Variants in INSRR observed in about 807,000 individuals in gnomAD.
The protein encoded by INSRR is insulin receptor-related protein.
In INSRR, 114 loss-of-function variants were observed where a neutral mutation model predicts 130.0. The ratio of observed to expected loss-of-function variants is 0.88; its 90% CI spans 0.75 to 1.02. The LOEUF (loss-of-function observed/expected upper bound fraction) is 1.02. INSRR is among the 50% of genes least tolerant of loss of function. INSRR has a pLI of 0.00. For synonymous variants in INSRR, 674 were observed against 705.2 expected, an observed-to-expected ratio of 0.96 and a Z score of 0.70; for missense variants, 1,657 against 1,735.2, an observed-to-expected ratio of 0.95 and a Z score of 0.80.
intron 19 of INSRR, 139 bp downstream of exon 19, chr1:156,841,973 A>G: frequency 6.4e-7 from 1 of 1,552,020 alleles, no homozygotes; most frequent in Admixed American, 1.8e-5. Context: ...CTTGGACAAG[A>G]GACTAAGATA....
chr1:156,854,183 CG>C lies in INSRR; in HGVS notation c.205del (p.Arg69AlafsTer33). ...GGTGAGGCGAGGGAAGCTGAGGCCG[CG>C]GAAGTCCTCCCCGGTGGCTGTGAAC... is the stretch of plus-strand genomic sequence containing the variant. ...LMFTATGEDF[R>X]GLSFPRLTQV... On this transcript the variant is annotated frameshift_variant, in exon 2 of 22. Transcript: ENST00000368195. LOFTEE classifies it high-confidence loss of function. The surrounding 1 kb of genome is among the most constrained non-coding windows in gnomAD (Gnocchi z 4.2). The C allele has an allele frequency of 6.2e-7, 1 of 1,614,102 alleles. No homozygotes were observed.
At position 156,853,798 on chromosome 1, in the gene INSRR, G is replaced by A. The variant is rs141915005; in HGVS notation, c.591C>T (p.Ser197=). Reference sequence around the variant, plus strand: ...TCCAGCATCTGTAGTCAGTGTGCCCGCTGAAGGTGGTCTTGGCACAGGGCT... The same window carrying A: ...TCCAGCATCTGTAGTCAGTGTGCCCACTGAAGGTGGTCTTGGCACAGGGCT... The part of the protein sequence containing the change: ...AGEPCAKTTF[S]GHTDYRCWTS... The change falls in exon 2 of 22, where the codon AGC becomes AGT. Residue 197 remains serine (S), a synonymous_variant. Transcript: ENST00000368195. The A allele has an allele frequency of 9.9e-5, 159 of 1,610,988 alleles. No homozygotes were observed. The highest frequency in any genetic ancestry group is 6.3e-4 in the East Asian group (28 of 44,776).
intron 2 of INSRR, among the ~76,000 whole-genome samples, chr1:156,853,385 T>C (rs1356700142): frequency 6.6e-6 from 1 of 152,188 alleles, no homozygotes; most frequent in Non-Finnish European, 1.5e-5. Context: ...TAAGTGAACA[T>C]AGCCAGTAAG....
chr1:156,844,014 CCTAA>C (rs1286550517), intron 15 of INSRR, among the ~76,000 whole-genome samples, 157 bp downstream of exon 15: 1 of 152,000 alleles, frequency 6.6e-6, no homozygotes, highest in Non-Finnish European at 1.5e-5. Flanking sequence ...AGTTGGTCAC[CCTAA>C]CTGAGAGGTA....
In INSRR at chr1:156,843,025, T is replaced by C; in HGVS notation, c.3105A>G (p.Lys1035=). The change falls in exon 17 of 22, where the codon AAA becomes AAG. Residue 1035 remains lysine, a synonymous_variant. Coordinates refer to ENST00000368195, the MANE Select transcript of INSRR (RefSeq NM_014215.3). ...TTACCACATGGTGACACTTGAAGGCTTTCATGACAGAAGCTTCCTTGAGGA... is the reference window on the plus strand; with the variant it reads ...TTACCACATGGTGACACTTGAAGGCCTTCATGACAGAAGCTTCCTTGAGGA... ...IEFLKEASVM[K]AFKCHHVVRL... is the part of the protein sequence containing the mutation. The C allele has an allele frequency of 6.2e-7, 1 of 1,613,950 alleles. No homozygotes were observed. Among genetic ancestry groups the C allele is most frequent in the Non-Finnish European group, 8.5e-7 (1 of 1,179,828 alleles).
At chr1:156,849,110 C>T in intron 6 of INSRR, 63 bp from the exon 7 acceptor site, 2 of 1,597,894 alleles carry the variant, frequency 1.3e-6, no homozygotes, top group South Asian at 2.2e-5. Context: ...CCCACCCTGA[C>T]CCCGCGGCAT....
intron 5 of INSRR, among the ~76,000 whole-genome samples, chr1:156,850,532 TTC>T (rs1290811193): frequency 7.0e-5 from 8 of 113,496 alleles, no homozygotes; most frequent in African/African-American, 3.5e-4. Flanking sequence ...ATTTAAAACA[TTC>T]TTTTTTTTTT....
intron 1 of INSRR, 142 bp downstream of exon 1, chr1:156,858,393 TGG>T (rs1478928663): frequency 1.2e-5 from 8 of 663,466 alleles, no homozygotes; most frequent in Non-Finnish European, 1.9e-5. Context: ...CTTTTCCTGC[TGG>T]GCAGTTCTCC....
intron 15 of INSRR, 80 bp from the exon 16 acceptor site, chr1:156,843,559 T>C: frequency 2.1e-6 from 3 of 1,427,808 alleles, no homozygotes; most frequent in Non-Finnish European, 3.0e-6. Flanking sequence ...AAGAAGGACA[T>C]TTCAAGGAGG....
chr1:156,851,581 A>AGG, intron 4 of INSRR, 65 bp downstream of exon 4: 1 of 1,611,664 alleles, frequency 6.2e-7, no homozygotes. Context: ...GGTCATTGTA[A>AGG]GGGTTGTGTC....
chr1:156,849,140 C>CT, intron 6 of INSRR, 93 bp from the exon 7 acceptor site: 1 of 1,598,790 alleles, frequency 6.3e-7, no homozygotes, highest in Non-Finnish European at 8.5e-7. Flanking sequence ...AGTGAGACCT[C>CT]TGAGGAGAAC....
rs761992228 is a variant in INSRR, at chr1:156,843,424, T to C, written c.2896+3A>G. 1 of 1,614,086 alleles carries C rather than the reference T, an allele frequency of 6.2e-7. No individual in the cohort carries two copies. Among genetic ancestry groups the C allele is most frequent in the South Asian group, 1.1e-5 (1 of 91,076 alleles). ...CCACCTGTCCACCCACTCCCAGACC[T>C]ACTATCAGAGGCGCTGAAGTACTCT... On this transcript the variant is annotated splice_donor_region_variant and intron_variant, in intron 16 of 21. Transcript: ENST00000368195.
intron 1 of INSRR, among the ~76,000 whole-genome samples, chr1:156,855,589 G>A (rs1371799760): frequency 1.3e-5 from 2 of 152,146 alleles, no homozygotes; most frequent in African/African-American, 2.4e-5. Context: ...TTGGGAGGCC[G>A]AGGTGGGAAG....
chr1:156,852,262 C>T, intron 2 of INSRR, 71 bp from the exon 3 acceptor site: 1 of 1,440,894 alleles, frequency 6.9e-7, no homozygotes, highest in Non-Finnish European at 9.4e-7. Flanking sequence ...AATGCTGGCC[C>T]CACCCTGTTT....
In INSRR at chr1:156,858,368, G is replaced by T. The variant is rs144022215; in HGVS notation, c.85+169C>A. ...GGAGCTGAGGGAAAAACACCTTTAT[G>T]TGGGGAACTAACTGCTTTTCCTGCT... On this transcript the variant is annotated intron_variant, in intron 1 of 21. Transcript: ENST00000368195. 4.5e-3 allele frequency among the ~76,000 whole-genome samples: 682 copies of T among 152,342 alleles called. 5 individuals are homozygous for T. The Middle Eastern group carries it at 0.075, about 17-fold the overall frequency.
rs768953728 is a variant in INSRR, at chr1:156,844,481, G to A, written c.2718C>T (p.Ala906=). The A allele has an allele frequency of 1.9e-6, 3 of 1,613,872 alleles. No homozygotes were observed. The highest frequency in any genetic ancestry group is 2.7e-5 in the African/African-American group (2 of 74,914). The change falls in exon 14 of 22, where the codon GCC becomes GCT. Residue 906 remains alanine (A), a synonymous_variant. Transcript: ENST00000368195. ...AGNGSWTDSV[A]FYILGPEEED... Reference sequence around the variant, plus strand: ...GTATACCTGGGCCAAGGATGTAGAAGGCAACACTGTCTGTCCAAGAGCCAT... The same window carrying A: ...GTATACCTGGGCCAAGGATGTAGAAAGCAACACTGTCTGTCCAAGAGCCAT...
At chr1:156,842,337 C>T in intron 18 of INSRR, 61 bp downstream of exon 18, 2 of 1,612,936 alleles carry the variant, frequency 1.2e-6, no homozygotes, top group Admixed American at 1.7e-5. Flanking sequence ...CAGAACTGGC[C>T]CCCACCTCCC....
At chr1:156,855,803 C>T (rs537721678) in intron 1 of INSRR, among the ~76,000 whole-genome samples, 33 of 151,994 alleles carry the variant, frequency 2.2e-4, no homozygotes, top group Middle Eastern at 3.4e-3. Flanking sequence ...CCAGCCTGGG[C>T]GACAGAGTGA....
chr1:156,858,959 C>T lies in INSRR; in HGVS notation c.-338G>A, dbSNP rs1168703774. On this transcript the variant is annotated 5_prime_UTR_variant, in exon 1 of 22. Transcript: ENST00000368195. ...CTGAGCAAAAGGCAGGCCGAGAGGCCAGCCAACCCTGAGGGCGGAGCAGCA... is the reference window on the plus strand; with the variant it reads ...CTGAGCAAAAGGCAGGCCGAGAGGCTAGCCAACCCTGAGGGCGGAGCAGCA... 1 of 287,906 alleles carries T rather than the reference C, an allele frequency of 3.5e-6. No individual in the cohort carries two copies. Among genetic ancestry groups the T allele is most frequent in the African/African-American group, 2.1e-5 (1 of 46,974 alleles). 17.8% of individuals were successfully genotyped at this position (287,906 alleles called of 1,614,324 possible). A position where few individuals can be genotyped will look rare whatever the true frequency, so the allele number is the denominator to read the frequency against.
Sources: allele counts gnomAD v4.1 joint callset (sites outside exome capture counted in the v4.1 genomes callset), GRCh38; gene constraint gnomAD v4.1.1; non-coding constraint Gnocchi (gnomAD v3.1); transcripts MANE v1.5; gene names NCBI Gene and HGNC (gene_info 2026-07-23, HGNC 2026-07-21).